DCDC2: variants seen among roughly 807,000 people sequenced by gnomAD.
The protein encoded by DCDC2 is doublecortin domain-containing protein 2.
DCDC2 carries 40 observed loss-of-function variants against 50.2 expected under a neutral mutation model. The ratio of observed to expected loss-of-function variants is 0.80; its 90% confidence interval spans 0.62 to 1.04. The LOEUF is 1.04. Among genes scored for constraint, DCDC2 ranks in the 50% least tolerant of loss-of-function variants. The probability of loss-of-function intolerance (pLI) is 0.00; values close to 1 mark genes in which losing one functional copy is unlikely to be tolerated. For missense variants in DCDC2, 570 were observed against 581.9 expected, an observed-to-expected ratio of 0.98 and a Z score of 0.21; for synonymous variants, 234 against 210.6, an observed-to-expected ratio of 1.11 and a Z score of -0.96.
upstream of DCDC2, among the ~76,000 whole-genome samples, chr6:24,363,048 C>CTG (rs1462974917): frequency 6.6e-6 from 1 of 152,066 alleles, no homozygotes; most frequent in African/African-American, 2.4e-5. Context: ...GAATGAGGAG[C>CTG]TTCAGATGGA....
intron 2 of DCDC2, among the ~76,000 whole-genome samples, chr6:24,327,641 T>C (rs1249892538): frequency 6.6e-6 from 1 of 151,746 alleles, no homozygotes; most frequent in Admixed American, 6.6e-5. Flanking sequence ...ACCCGGCTAA[T>C]TTTTGTATTT....
chr6:24,355,302 G>A (rs562351399), intron 1 of DCDC2, among the ~76,000 whole-genome samples: 2 of 151,708 alleles, frequency 1.3e-5, no homozygotes, highest in African/African-American at 4.8e-5. Context: ...TGAGTTGGTA[G>A]GATCAAATAA....
At chr6:24,372,682 C>T in the DCDC2 span, among the ~76,000 whole-genome samples, 1 of 151,860 alleles carries the variant, frequency 6.6e-6, no homozygotes, top group Admixed American at 6.6e-5. Context: ...AACCAAACAC[C>T]GCATGTTCTC....
intron 2 of DCDC2, among the ~76,000 whole-genome samples, chr6:24,304,150 A>G (rs1759428950): frequency 6.6e-6 from 1 of 152,230 alleles, no homozygotes; most frequent in Admixed American, 6.5e-5. Context: ...CCCTACACTA[A>G]CACCTAGCAT....
At chr6:24,275,867 T>TTTTTA in intron 7 of DCDC2, among the ~76,000 whole-genome samples, 1 of 1,644 alleles carries the variant, frequency 6.1e-4, no homozygotes, top group Non-Finnish European at 5.1e-3. Flanking sequence ...AATAATTCAA[T>TTTTTA]TTTTTTTTTT....
chr6:24,341,562 A>C (rs1012975327), intron 2 of DCDC2, among the ~76,000 whole-genome samples: 1 of 151,846 alleles, frequency 6.6e-6, no homozygotes, highest in Non-Finnish European at 1.5e-5. Flanking sequence ...AACTATACTG[A>C]AACTTATTTT....
chr6:24,261,877 G>A (rs1763018313), intron 7 of DCDC2, among the ~76,000 whole-genome samples: 1 of 152,100 alleles, frequency 6.6e-6, no homozygotes, highest in Non-Finnish European at 1.5e-5. Context: ...CAGTTGAAAA[G>A]TATCTCCAAC....
At chr6:24,269,640 G>A (rs1763195829) in intron 7 of DCDC2, among the ~76,000 whole-genome samples, 1 of 152,096 alleles carries the variant, frequency 6.6e-6, no homozygotes, top group Non-Finnish European at 1.5e-5. Flanking sequence ...AGTCTAGAAA[G>A]TCATGAAACA....
intron 4 of DCDC2, among the ~76,000 whole-genome samples, chr6:24,300,776 C>T (rs1181292408): frequency 6.6e-6 from 1 of 152,166 alleles, no homozygotes; most frequent in African/African-American, 2.4e-5. Context: ...ATGTTGTGCA[C>T]ATGTATATGT....
At chr6:24,233,474 A>G (rs1762378567) in intron 7 of DCDC2, among the ~76,000 whole-genome samples, 1 of 152,200 alleles carries the variant, frequency 6.6e-6, no homozygotes, top group Non-Finnish European at 1.5e-5. Flanking sequence ...TCCCCCAATG[A>G]GATTATAAAT....
the DCDC2 span, chr6:24,365,726 T>A: frequency 4.0e-5 from 6 of 151,802 alleles, no homozygotes; most frequent in African/African-American, 1.2e-4. Context: ...AAGGATGACA[T>A]GCAAATAAAT....
chr6:24,234,697 A>T (rs899531504), intron 7 of DCDC2, among the ~76,000 whole-genome samples: 1 of 152,222 alleles, frequency 6.6e-6, no homozygotes, highest in African/African-American at 2.4e-5. Context: ...TTCAGGCATA[A>T]GTAGATAATG....
intron 8 of DCDC2, among the ~76,000 whole-genome samples, chr6:24,179,816 T>A (rs1473310736): frequency 1.3e-5 from 2 of 151,000 alleles, no homozygotes; most frequent in South Asian, 2.1e-4. Flanking sequence ...TAGCCAGGCG[T>A]GGTGGTGGGC....
chr6:24,369,692 A>C, the DCDC2 span, among the ~76,000 whole-genome samples: 3 of 152,198 alleles, frequency 2.0e-5, no homozygotes, highest in Admixed American at 2.0e-4. Flanking sequence ...TATTCATCTA[A>C]AAGAAAGAGT....
At chr6:24,232,665 T>C (rs1762360646) in intron 7 of DCDC2, among the ~76,000 whole-genome samples, 1 of 152,202 alleles carries the variant, frequency 6.6e-6, no homozygotes, top group South Asian at 2.1e-4. Context: ...ATCTGGTTGA[T>C]AGACAAAATA....
intron 8 of DCDC2, among the ~76,000 whole-genome samples, chr6:24,195,707 C>A (rs793850): frequency 6.6e-6 from 1 of 151,906 alleles, no homozygotes. Context: ...AAAAGTGGTC[C>A]CAGAAATCAC....
chr6:24,301,675 A>G (rs776598401), intron 4 of DCDC2, 40 bp downstream of exon 4: 2 of 1,606,830 alleles, frequency 1.2e-6, no homozygotes, highest in South Asian at 2.2e-5. Flanking sequence ...ATCTTCAACA[A>G]TTCAAAAACT....
At chr6:24,214,222 T>C (rs776825153) in intron 7 of DCDC2, among the ~76,000 whole-genome samples, 16 of 152,216 alleles carry the variant, frequency 1.1e-4, no homozygotes, top group Non-Finnish European at 2.1e-4. Context: ...AATTGATGTA[T>C]ACATTTGACT....
chr6:24,210,052 G>GTGTGTGTGTCTGTC (rs766130050), intron 7 of DCDC2, among the ~76,000 whole-genome samples: 1 of 133,204 alleles, frequency 7.5e-6, no homozygotes, highest in East Asian at 2.2e-4. Context: ...GTGTGTGTGT[G>GTGTGTGTGTCTGTC]TGTCTGTCTG....
Sources: gnomAD v4.1 joint callset for allele counts (sites outside exome capture counted in the v4.1 genomes callset) on GRCh38, gnomAD v4.1.1 for gene constraint, MANE v1.5 for transcripts, NCBI Gene and HGNC (gene_info 2026-07-23, HGNC 2026-07-21) for gene names.